Variants in CDKAL1 observed in about 807,000 individuals in gnomAD.
The protein encoded by CDKAL1 is CDKAL1 threonylcarbamoyladenosine tRNA methylthiotransferase.
A neutral mutation model predicts 68.2 loss-of-function variants in CDKAL1; 32 were observed. The ratio of observed to expected loss-of-function variants is 0.47; its 90% confidence interval spans 0.35 to 0.63. The LOEUF (loss-of-function observed/expected upper bound fraction) is 0.63, where lower values mean the gene tolerates loss of function less well. Among genes scored for constraint, CDKAL1 ranks in the 30% least tolerant of loss-of-function variants. The pLI, the probability that CDKAL1 is intolerant of heterozygous loss-of-function variation, is 0.00. For missense variants in CDKAL1, 606 were observed against 696.7 expected, an observed-to-expected ratio of 0.87 and a Z score of 1.47; for synonymous variants, 234 against 244.3, an observed-to-expected ratio of 0.96 and a Z score of 0.39.
At chr6:21,187,693 T>C (rs1179937217) in intron 13 of CDKAL1, among the ~76,000 whole-genome samples, 1 of 152,194 alleles carries the variant, frequency 6.6e-6, no homozygotes, top group Non-Finnish European at 1.5e-5. Context: ...GGCAAGTAGT[T>C]ACTGCAGATT....
At chr6:20,592,746 T>G (rs1420020260) in intron 4 of CDKAL1, among the ~76,000 whole-genome samples, 1 of 152,080 alleles carries the variant, frequency 6.6e-6, no homozygotes, top group African/African-American at 2.4e-5. Context: ...GGATTACAGG[T>G]GTGAGCCGCT....
intron 13 of CDKAL1, among the ~76,000 whole-genome samples, chr6:21,133,452 G>A (rs570841607): frequency 2.0e-5 from 3 of 152,274 alleles, no homozygotes; most frequent in Admixed American, 2.0e-4. Context: ...TTTTATCCCA[G>A]TGGGACAGTG....
chr6:20,897,354 G>A (rs999815188), intron 9 of CDKAL1, among the ~76,000 whole-genome samples: 11 of 152,146 alleles, frequency 7.2e-5, no homozygotes, highest in Non-Finnish European at 4.4e-5. Context: ...CACGAGTGGA[G>A]GTAGAAAGAT....
chr6:21,197,534 A>G (rs1169424754), intron 13 of CDKAL1, among the ~76,000 whole-genome samples: 1 of 152,232 alleles, frequency 6.6e-6, no homozygotes, highest in Non-Finnish European at 1.5e-5. Flanking sequence ...CAAGGTCCTA[A>G]TGACTAGTTT....
chr6:20,833,307 T>C (rs1777794850), intron 8 of CDKAL1, among the ~76,000 whole-genome samples: 1 of 152,158 alleles, frequency 6.6e-6, no homozygotes, highest in African/African-American at 2.4e-5. Context: ...AAGTCCTGAG[T>C]AGCAACATGC....
Position 20,790,994 on chromosome 6 carries a change from A to G in CDKAL1, c.638+9729A>G, listed in dbSNP as rs569593886. Among the ~76,000 whole-genome samples the G allele has an allele frequency of 2.6e-5, 4 of 152,352 alleles. 1 individual carries two copies. In the East Asian group the frequency reaches 7.7e-4, roughly 29 times the overall value. On this transcript the variant is annotated intron_variant, in intron 8 of 15. Transcript: ENST00000274695. ...ATTGGTGGAGGAGGGGGGATCAATC[A>G]GAGGGAAGTGTGCCAAATGAGAAGA...
chr6:20,634,668 G>C (rs1767817939), intron 4 of CDKAL1, among the ~76,000 whole-genome samples: 1 of 152,162 alleles, frequency 6.6e-6, no homozygotes, highest in Admixed American at 6.5e-5. Flanking sequence ...AAGATGGTGA[G>C]GGGAAAGGAA....
intron 15 of CDKAL1, among the ~76,000 whole-genome samples, chr6:21,221,401 T>C (rs1412255286): frequency 6.6e-6 from 1 of 151,994 alleles, no homozygotes; most frequent in Non-Finnish European, 1.5e-5. Flanking sequence ...GCTAATTTTG[T>C]ATTTTTTGTA....
chr6:20,871,340 G>A (rs1339631856), intron 9 of CDKAL1, among the ~76,000 whole-genome samples: 1 of 152,040 alleles, frequency 6.6e-6, no homozygotes, highest in Non-Finnish European at 1.5e-5. Flanking sequence ...TGAAATAATT[G>A]TAATATGATA....
chr6:20,663,381 T>C (rs1029627270), intron 5 of CDKAL1, among the ~76,000 whole-genome samples: 2 of 152,134 alleles, frequency 1.3e-5, no homozygotes, highest in Non-Finnish European at 2.9e-5. Flanking sequence ...ATTTTATTTA[T>C]CTTTCTATCA....
chr6:20,777,861 A>G lies in CDKAL1; in HGVS notation c.518-3284A>G, dbSNP rs563595354. On this transcript the variant is annotated intron_variant, in intron 7 of 15. Transcript: ENST00000274695. ...CAGTAAGAGATTGACAACATTAGTG[A>G]GAAAATAGAATAATTATTACAATAC... 2.0e-5 allele frequency among the ~76,000 whole-genome samples: 3 copies of G among 152,212 alleles called. No homozygotes were observed. The South Asian group carries it at 6.2e-4, about 31-fold the overall frequency.
intron 9 of CDKAL1, among the ~76,000 whole-genome samples, chr6:20,891,799 C>G (rs1761419136): frequency 6.6e-6 from 1 of 152,306 alleles, no homozygotes; most frequent in African/African-American, 2.4e-5. Flanking sequence ...TCCCAAAATG[C>G]TGGGATTACA....
At chr6:20,757,319 A>G (rs923953384) in intron 6 of CDKAL1, among the ~76,000 whole-genome samples, 1 of 152,154 alleles carries the variant, frequency 6.6e-6, no homozygotes, top group African/African-American at 2.4e-5. Flanking sequence ...ATAATGAAAG[A>G]ATAGAAATTT....
chr6:20,768,449 G>A (rs553065298), intron 7 of CDKAL1, among the ~76,000 whole-genome samples: 2 of 152,264 alleles, frequency 1.3e-5, no homozygotes, highest in Admixed American at 6.5e-5. Flanking sequence ...CTCGCACCCC[G>A]ATTTCTATAT....
At chr6:20,618,591 C>T (rs1291122718) in intron 4 of CDKAL1, among the ~76,000 whole-genome samples, 1 of 152,248 alleles carries the variant, frequency 6.6e-6, no homozygotes, top group Admixed American at 6.5e-5. Flanking sequence ...TGACTGCATT[C>T]TTGAGAATAA....
At chr6:21,132,992 A>G (rs1775407702) in intron 13 of CDKAL1, among the ~76,000 whole-genome samples, 1 of 152,208 alleles carries the variant, frequency 6.6e-6, no homozygotes, top group Non-Finnish European at 1.5e-5. Flanking sequence ...ATGTAAAGCT[A>G]TTAAAGGAAC....
intron 9 of CDKAL1, among the ~76,000 whole-genome samples, chr6:20,902,213 A>C (rs1472715206): frequency 1.3e-5 from 2 of 152,130 alleles, no homozygotes; most frequent in African/African-American, 4.8e-5. Flanking sequence ...GCATTTCCAA[A>C]GGATCAGTAG....
intron 12 of CDKAL1, among the ~76,000 whole-genome samples, chr6:21,070,915 A>C (rs566161579): frequency 6.6e-6 from 1 of 152,264 alleles, no homozygotes; most frequent in African/African-American, 2.4e-5. Context: ...GCCCCACCCT[A>C]GACCTGTTCA....
intron 8 of CDKAL1, among the ~76,000 whole-genome samples, chr6:20,783,692 T>C (rs975713694): frequency 2.0e-5 from 3 of 152,190 alleles, no homozygotes; most frequent in African/African-American, 7.2e-5. Context: ...GTCCACAACA[T>C]TCCCTATGTA....
Sources: allele counts gnomAD v4.1 joint callset (sites outside exome capture counted in the v4.1 genomes callset), GRCh38; gene constraint gnomAD v4.1.1; transcripts MANE v1.5; gene names NCBI Gene and HGNC (gene_info 2026-07-23, HGNC 2026-07-21).